The following GNAL variants were observed in gnomAD, a reference collection of about 807,000 sequenced individuals.
GNAL encodes the protein guanine nucleotide-binding protein G(olf) subunit alpha.
A neutral mutation model predicts 55.1 loss-of-function variants in GNAL; 18 were observed. The observed-to-expected ratio is 0.33, with a 90% CI of 0.23 to 0.48. The LOEUF (loss-of-function observed/expected upper bound fraction) is 0.48. GNAL is among the 20% of genes least tolerant of loss of function. The pLI is 0.99. For synonymous variants in GNAL, 253 were observed against 237.0 expected (o/e 1.07, Z -0.62); for missense variants, 412 against 614.1 (o/e 0.67, Z 3.48).
At chr18:11,775,656 C>G (rs75723893) in intron 4 of GNAL, among the ~76,000 whole-genome samples, 2,204 of 152,312 alleles carry the variant, frequency 0.014, 54 homozygotes, top group African/African-American at 0.05. Context: ...AGATGCACAT[C>G]AGAACTCATA....
intron 4 of GNAL, among the ~76,000 whole-genome samples, chr18:11,814,178 G>GA (rs2034894119): frequency 6.6e-6 from 1 of 152,150 alleles, no homozygotes; most frequent in East Asian, 1.9e-4. Flanking sequence ...AACTCTAAAA[G>GA]AAAAAAATGG....
intron 1 of GNAL, among the ~76,000 whole-genome samples, chr18:11,722,076 C>T (rs2032108035): frequency 6.6e-6 from 1 of 152,156 alleles, no homozygotes; most frequent in Non-Finnish European, 1.5e-5. Context: ...CCAAGGAAAG[C>T]CACTCAGAAT....
intron 4 of GNAL, among the ~76,000 whole-genome samples, chr18:11,766,021 A>G (rs868326148): frequency 6.6e-6 from 1 of 152,330 alleles, no homozygotes; most frequent in Middle Eastern, 3.4e-3. Flanking sequence ...TGTAACTGAG[A>G]GAAAATATTT....
intron 1 of GNAL, among the ~76,000 whole-genome samples, chr18:11,740,071 TTATG>T (rs994717584): frequency 1.4e-4 from 22 of 151,800 alleles, no homozygotes; most frequent in African/African-American, 3.9e-4. Context: ...CCTTTTCTAT[TTATG>T]TATTTATTTA....
intron 5 of GNAL, among the ~76,000 whole-genome samples, chr18:11,847,431 C>A (rs1007725799): frequency 6.7e-6 from 1 of 149,994 alleles, no homozygotes. Flanking sequence ...TCAGACTTAG[C>A]AAATGATTCT....
chr18:11,771,215 TA>T (rs539820206), intron 4 of GNAL, among the ~76,000 whole-genome samples: 374 of 128,652 alleles, frequency 2.9e-3, no homozygotes, highest in Non-Finnish European at 2.7e-3. Context: ...TGAAACTCTG[TA>T]AAAAAAAAAA....
intron 1 of GNAL, among the ~76,000 whole-genome samples, chr18:11,703,797 A>G (rs374510295): frequency 3.0e-4 from 17 of 57,626 alleles, no homozygotes; most frequent in African/African-American, 1.6e-3. Context: ...GTTGATGGGC[A>G]CACACACACA....
intron 1 of GNAL, among the ~76,000 whole-genome samples, chr18:11,730,021 T>G (rs1169051672): frequency 2.0e-5 from 3 of 151,844 alleles, no homozygotes; most frequent in Non-Finnish European, 4.4e-5. Context: ...AAGAGTTAAG[T>G]TTTTCTTTTC....
intron 4 of GNAL, among the ~76,000 whole-genome samples, chr18:11,808,376 T>G (rs1457557982): frequency 1.3e-5 from 2 of 152,126 alleles, no homozygotes; most frequent in Admixed American, 1.3e-4. Context: ...TCTTATTTGA[T>G]TATTTGGAAT....
intron 1 of GNAL, among the ~76,000 whole-genome samples, chr18:11,750,514 G>A (rs1300567190): frequency 1.3e-5 from 2 of 152,164 alleles, no homozygotes; most frequent in African/African-American, 4.8e-5. Context: ...GGAGGAGCCC[G>A]GATGCACCGG....
At chr18:11,800,738 C>G (rs556096395) in intron 4 of GNAL, among the ~76,000 whole-genome samples, 1 of 152,326 alleles carries the variant, frequency 6.6e-6, no homozygotes, top group South Asian at 2.1e-4. Context: ...GGTGCTTTCT[C>G]TTCCGCAGGC....
intron 5 of GNAL, among the ~76,000 whole-genome samples, chr18:11,860,408 C>T (rs1015224685): frequency 6.6e-6 from 1 of 152,158 alleles, no homozygotes; most frequent in Non-Finnish European, 1.5e-5. Context: ...TGTCTTTGGC[C>T]AAGTGGTTCC....
intron 4 of GNAL, among the ~76,000 whole-genome samples, chr18:11,788,914 A>AAAAAAAAAAAAAAAAAAATAT (rs60071996): frequency 1.8e-5 from 1 of 56,302 alleles, no homozygotes; most frequent in African/African-American, 1.0e-4. Flanking sequence ...AAAAAAAAAA[A>AAAAAAAAAAAAAAAAAAATAT]ATATATATAT....
At chr18:11,747,860 T>C (rs1194275365) in intron 1 of GNAL, among the ~76,000 whole-genome samples, 1 of 152,188 alleles carries the variant, frequency 6.6e-6, no homozygotes, top group African/African-American at 2.4e-5. Context: ...GCAGTCAGCC[T>C]GGACCCTCTG....
intron 1 of GNAL, among the ~76,000 whole-genome samples, chr18:11,693,760 T>C (rs1676813): frequency 6.6e-6 from 1 of 150,614 alleles, no homozygotes; most frequent in Non-Finnish European, 1.5e-5. Context: ...TTTTTTTTTT[T>C]AATCCCAACA....
intron 4 of GNAL, among the ~76,000 whole-genome samples, chr18:11,785,774 G>A (rs778388660): frequency 2.4e-4 from 37 of 152,024 alleles, no homozygotes; most frequent in Non-Finnish European, 2.8e-4. Context: ...CCTCTCCTGC[G>A]AACGTCAGCG....
At chr18:11,825,060 G>C in intron 5 of GNAL, 45 bp downstream of exon 5, 2 of 986,406 alleles carry the variant, frequency 2.0e-6, no homozygotes, top group East Asian at 2.4e-5. Flanking sequence ...TGAAGAATAT[G>C]ATTGCATGCA....
intron 4 of GNAL, among the ~76,000 whole-genome samples, chr18:11,776,147 A>C (rs1465409642): frequency 6.6e-6 from 1 of 152,176 alleles, no homozygotes; most frequent in African/African-American, 2.4e-5. Context: ...TTCCAGTGCA[A>C]ATCTGACTCT....
At position 11,795,533 on chromosome 18, in the gene GNAL, T is replaced by C. The variant is rs181280251; in HGVS notation, c.625-29385T>C. 3.4e-3 allele frequency among the ~76,000 whole-genome samples: 521 copies of C among 152,336 alleles called. 5 individuals are homozygous for C. The highest frequency in any genetic ancestry group is 2.8e-3 in the Non-Finnish European group (190 of 68,028). ...TTGCAGTGTCACCAAATATCCTTCA[T>C]TGATAAACTACAGATTTAAGGATGG... On this transcript the variant is annotated intron_variant, in intron 4 of 11. Coordinates refer to ENST00000334049, the MANE Select transcript of GNAL (RefSeq NM_182978.4).
Sources: gnomAD v4.1 joint callset for allele counts (sites outside exome capture counted in the v4.1 genomes callset) on GRCh38, gnomAD v4.1.1 for gene constraint, MANE v1.5 for transcripts, NCBI Gene and HGNC (gene_info 2026-07-23, HGNC 2026-07-21) for gene names.